The following UGT1A9 variants were observed in gnomAD, a reference collection of about 807,000 sequenced individuals.
UGT1A9 encodes UDP-glucuronosyltransferase 1A9.
Under a neutral mutation model 45.0 loss-of-function variants are expected in UGT1A9, and 35 were observed. That is an observed-to-expected ratio of 0.78 (90% CI 0.59 to 1.03). The LOEUF is 1.03. Ranked by LOEUF, UGT1A9 falls within the 50% of genes least tolerant of loss-of-function variation. UGT1A9 has a pLI of 0.00. For missense variants in UGT1A9, 687 were observed against 666.6 expected (o/e 1.03, Z -0.34); for synonymous variants, 278 against 250.6 (o/e 1.11, Z -1.03).
chr2:233,719,813 A>T, intron 1 of UGT1A9: 2 of 1,586,286 alleles, frequency 1.3e-6, no homozygotes, highest in Non-Finnish European at 1.7e-6. Flanking sequence ...TCTTTATAAC[A>T]GATAAACTGT....
At chr2:233,761,247 T>C (rs1300927004) in intron 1 of UGT1A9, 16 of 1,609,136 alleles carry the variant, frequency 9.9e-6, no homozygotes, top group African/African-American at 1.3e-5. Flanking sequence ...GAGCAAGCAT[T>C]CTGAGATAAT....
intron 1 of UGT1A9, chr2:233,708,404 A>G (rs984194776): frequency 2.6e-4 from 39 of 152,096 alleles, no homozygotes; most frequent in African/African-American, 9.4e-4. Context: ...ACTTTCATCA[A>G]GTTGTTTCAC....
intron 1 of UGT1A9, among the ~76,000 whole-genome samples, chr2:233,697,479 C>T (rs1352633531): frequency 6.7e-6 from 1 of 150,054 alleles, no homozygotes; most frequent in Non-Finnish European, 1.5e-5. Context: ...TAGTCTAGCT[C>T]AAGGTTTGCC....
At chr2:233,725,981 C>T (rs28899190) in intron 1 of UGT1A9, among the ~76,000 whole-genome samples, 4,581 of 152,048 alleles carry the variant, frequency 0.03, 268 homozygotes, top group African/African-American at 0.1. Flanking sequence ...GCCTGGGAAA[C>T]GTGCTGAGAC....
At chr2:233,722,817 G>C (rs1300822952) in intron 1 of UGT1A9, among the ~76,000 whole-genome samples, 1 of 147,336 alleles carries the variant, frequency 6.8e-6, no homozygotes, top group Admixed American at 6.7e-5. Flanking sequence ...ATTTTTTCAA[G>C]TTATTTTGTA....
chr2:233,754,901 C>T (rs996500791), intron 1 of UGT1A9: 1 of 1,352,340 alleles, frequency 7.4e-7, no homozygotes, highest in Non-Finnish European at 9.9e-7. Flanking sequence ...TCTGACCCCC[C>T]AAAATATTCT....
chr2:233,725,317 C>CT lies in UGT1A9; in HGVS notation c.856-41717_856-41716insT, dbSNP rs1559370683. Among the ~76,000 whole-genome samples, 2 of 37,458 alleles carry CT rather than the reference C, an allele frequency of 5.3e-5. 1 individual carries two copies. Among genetic ancestry groups the CT allele is most frequent in the African/African-American group, 6.3e-4 (2 of 3,170 alleles). 24.6% of individuals were successfully genotyped at this position (37,458 alleles called of 152,430 possible). A position where few individuals can be genotyped will look rare whatever the true frequency, so the allele number is the denominator to read the frequency against. On this transcript the variant is annotated intron_variant, in intron 1 of 4. Coordinates refer to ENST00000354728, the MANE Select transcript of UGT1A9 (RefSeq NM_021027.3). ...GCAGAGGCAGAGGCAGAGGCAGAGGCGCCTGGTCAACAATCTTAAGTCCAA... is the reference window on the plus strand; with the variant it reads ...GCAGAGGCAGAGGCAGAGGCAGAGGCTGCCTGGTCAACAATCTTAAGTCCAA...
chr2:233,717,616 G>C (rs555691364), intron 1 of UGT1A9, among the ~76,000 whole-genome samples: 1 of 152,342 alleles, frequency 6.6e-6, no homozygotes, highest in African/African-American at 2.4e-5. Flanking sequence ...ACAGCCCAGA[G>C]AGCCTGCCCA....
intron 1 of UGT1A9, chr2:233,738,880 T>G (rs1690926968): frequency 6.6e-6 from 1 of 152,168 alleles, no homozygotes; most frequent in Admixed American, 6.5e-5. Context: ...CCAGGGCATG[T>G]CAGAGACCTT....
At position 233,769,266 on chromosome 2, in the gene UGT1A9, CA is replaced by C. The variant is rs1253780369; in HGVS notation, c.1295+830del. ...CTCAAATGTGGCCCTGAAAACGATT[CA>C]AAGGGCAAATGATTTCTGGATTAAA... is the stretch of plus-strand genomic sequence containing the variant. On this transcript the variant is annotated intron_variant, in intron 4 of 4. Coordinates refer to ENST00000354728, the MANE Select transcript of UGT1A9 (RefSeq NM_021027.3). The surrounding 1 kb of genome is among the most constrained non-coding windows in gnomAD (Gnocchi z 4.4). Among the ~76,000 whole-genome samples, 1 of 152,194 alleles carries C rather than the reference CA, an allele frequency of 6.6e-6. No individual in the cohort carries two copies. The highest frequency in any genetic ancestry group is 1.5e-5 in the Non-Finnish European group (1 of 68,034).
At chr2:233,686,929 G>A (rs990280211) in intron 1 of UGT1A9, among the ~76,000 whole-genome samples, 4 of 152,188 alleles carry the variant, frequency 2.6e-5, no homozygotes, top group African/African-American at 7.2e-5. Flanking sequence ...CCCACTGGCT[G>A]ACTCATGCAG....
intron 1 of UGT1A9, among the ~76,000 whole-genome samples, chr2:233,751,914 C>A (rs1246513527): frequency 6.6e-6 from 1 of 152,060 alleles, no homozygotes; most frequent in Non-Finnish European, 1.5e-5. Context: ...CAGACTAATA[C>A]AAGATTGGTG....
intron 1 of UGT1A9, among the ~76,000 whole-genome samples, chr2:233,701,689 A>C (rs2075646805): frequency 6.6e-6 from 1 of 152,184 alleles, no homozygotes; most frequent in African/African-American, 2.4e-5. Context: ...AATTAAGAAA[A>C]TCACTCAAAA....
At chr2:233,736,493 CT>C (rs2078770083) in intron 1 of UGT1A9, among the ~76,000 whole-genome samples, 1 of 152,222 alleles carries the variant, frequency 6.6e-6, no homozygotes, top group African/African-American at 2.4e-5. Context: ...TACTACCAAA[CT>C]TCTGAAGCCT....
chr2:233,759,167 C>T (rs1180599090), intron 1 of UGT1A9, among the ~76,000 whole-genome samples: 1 of 152,178 alleles, frequency 6.6e-6, no homozygotes, highest in African/African-American at 2.4e-5. Flanking sequence ...ACAAGGCAGG[C>T]AGGTTTCACG....
At chr2:233,718,299 ACT>A (rs1382427566) in intron 1 of UGT1A9, among the ~76,000 whole-genome samples, 3 of 151,938 alleles carry the variant, frequency 2.0e-5, no homozygotes, top group Admixed American at 6.5e-5. Flanking sequence ...CAGCCTGAAC[ACT>A]CTCTGTTTAG....
rs571818278 is a variant in UGT1A9, at chr2:233,740,159, T to C, written c.856-26875T>C. Among the ~76,000 whole-genome samples, 52 of 151,986 alleles carry C rather than the reference T, an allele frequency of 3.4e-4. 1 individual carries two copies. Among genetic ancestry groups the C allele is most frequent in the African/African-American group, 1.2e-3 (48 of 41,236 alleles). On this transcript the variant is annotated intron_variant, in intron 1 of 4. Coordinates refer to ENST00000354728, the MANE Select transcript of UGT1A9 (RefSeq NM_021027.3). ...TGTAAGTTTCCTGAGGCCTCCCCAG[T>C]CATGTGGAACTGTGAGTCAATTAAA...
At chr2:233,755,984 T>G (rs1407833080) in intron 1 of UGT1A9, 1 of 152,244 alleles carries the variant, frequency 6.6e-6, no homozygotes, top group African/African-American at 2.4e-5. Flanking sequence ...TGGATTCTCA[T>G]GTCAGCTTCT....
intron 1 of UGT1A9, among the ~76,000 whole-genome samples, chr2:233,674,519 A>G (rs541391406): frequency 1.1e-4 from 16 of 152,202 alleles, no homozygotes; most frequent in Non-Finnish European, 1.9e-4. Context: ...TGTGCCTCAC[A>G]GCGTCACCCA....
Sources: allele counts gnomAD v4.1 joint callset (sites outside exome capture counted in the v4.1 genomes callset), GRCh38; gene constraint gnomAD v4.1.1; non-coding constraint Gnocchi (gnomAD v3.1); transcripts MANE v1.5; gene names NCBI Gene and HGNC (gene_info 2026-07-23, HGNC 2026-07-21).